PARD3B: variants seen among roughly 807,000 people sequenced by gnomAD.
PARD3B encodes partitioning defective 3 homolog B.
PARD3B carries 103 observed loss-of-function variants against 130.2 expected under a neutral mutation model. That is an observed-to-expected ratio of 0.79 (90% CI 0.67 to 0.93). PARD3B has a LOEUF of 0.93. Among genes scored for constraint, PARD3B ranks in the 40% least tolerant of loss-of-function variants. The pLI, the probability that PARD3B is intolerant of heterozygous loss-of-function variation, is 0.00. For synonymous variants in PARD3B, 583 were observed against 553.2 expected, an observed-to-expected ratio of 1.05 and a Z score of -0.76; for missense variants, 1,609 against 1,499.2, an observed-to-expected ratio of 1.07 and a Z score of -1.21.
chr2:204,750,765 C>T (rs370417560), intron 2 of PARD3B, among the ~76,000 whole-genome samples: 1 of 152,272 alleles, frequency 6.6e-6, no homozygotes, highest in East Asian at 1.9e-4. Context: ...TTCAAGTGCT[C>T]TGTAGCTGGA....
intron 20 of PARD3B, among the ~76,000 whole-genome samples, chr2:205,497,491 G>A (rs1340643806): frequency 8.2e-6 from 1 of 122,682 alleles, no homozygotes; most frequent in Non-Finnish European, 1.6e-5. Flanking sequence ...AAAAATAGAT[G>A]ACCTCTTTCT....
intron 18 of PARD3B, among the ~76,000 whole-genome samples, chr2:205,318,160 C>T (rs573742145): frequency 6.6e-6 from 1 of 152,270 alleles, no homozygotes; most frequent in Admixed American, 6.5e-5. Flanking sequence ...TCTTCTCCCC[C>T]AGGGACTGTA....
At chr2:205,238,916 GTATA>G (rs747790189) in intron 15 of PARD3B, among the ~76,000 whole-genome samples, 1 of 118,462 alleles carries the variant, frequency 8.4e-6, no homozygotes, top group Admixed American at 8.9e-5. Context: ...ATATGTATGT[GTATA>G]TATATATATG....
chr2:205,421,425 A>G lies in PARD3B; in HGVS notation c.2742-18945A>G, dbSNP rs1314809773. ...CCTCTCCTGTGTTCCACTGTATTCC[A>G]TTTTTAATCTCCTCAAGACACACAG... On this transcript the variant is annotated intron_variant, in intron 19 of 22. Coordinates refer to ENST00000406610, the MANE Select transcript of PARD3B (RefSeq NM_001302769.2). The surrounding 1 kb of genome is among the most constrained non-coding windows in gnomAD (Gnocchi z 5.1). Among the ~76,000 whole-genome samples, 1 of 152,236 alleles carries G rather than the reference A, an allele frequency of 6.6e-6. No homozygotes were observed. The highest frequency in any genetic ancestry group is 1.9e-4 in the East Asian group (1 of 5,178).
chr2:204,745,251 A>G (rs1350831511), intron 2 of PARD3B, among the ~76,000 whole-genome samples: 3 of 152,052 alleles, frequency 2.0e-5, no homozygotes, highest in Non-Finnish European at 4.4e-5. Flanking sequence ...AGGTCAAGGA[A>G]CTTGTGTTTT....
chr2:204,704,997 C>G lies in PARD3B; in HGVS notation c.222+18715C>G, dbSNP rs2038067666. 2.6e-5 allele frequency among the ~76,000 whole-genome samples: 4 copies of G among 151,934 alleles called. No homozygotes were observed. The South Asian group carries it at 8.3e-4, about 32-fold the overall frequency. On this transcript the variant is annotated intron_variant, in intron 2 of 22. Transcript: ENST00000406610. ...TGCCCAATTTTAATGTTTTTTGGAC[C>G]AGAGACACTTAAATAAAAGGTTAAG...
intron 19 of PARD3B, among the ~76,000 whole-genome samples, chr2:205,417,220 G>A (rs1436722570): frequency 2.6e-5 from 4 of 151,702 alleles, no homozygotes; most frequent in African/African-American, 9.7e-5. Flanking sequence ...CAGAATGATG[G>A]TTTCCAGCTT....
chr2:205,342,423 A>T (rs990017992), intron 18 of PARD3B, among the ~76,000 whole-genome samples: 5 of 152,192 alleles, frequency 3.3e-5, no homozygotes, highest in African/African-American at 4.8e-5. Flanking sequence ...ACCAACATGA[A>T]GTATGTTGAA....
chr2:205,054,488 C>T (rs1699508242), intron 4 of PARD3B, among the ~76,000 whole-genome samples: 2 of 120,966 alleles, frequency 1.7e-5, no homozygotes, highest in South Asian at 5.7e-4. Context: ...GGTATATGTG[C>T]ACAACGTGCA....
intron 1 of PARD3B, among the ~76,000 whole-genome samples, chr2:204,637,273 T>G (rs2034918454): frequency 6.6e-6 from 1 of 152,180 alleles, no homozygotes; most frequent in South Asian, 2.1e-4. Flanking sequence ...CTAATGTAAT[T>G]AATAATTAAT....
At chr2:204,777,864 A>G (rs532203117) in intron 2 of PARD3B, among the ~76,000 whole-genome samples, 2 of 152,144 alleles carry the variant, frequency 1.3e-5, no homozygotes, top group African/African-American at 2.4e-5. Context: ...CGAGAGAGGG[A>G]GGTGATTGGA....
chr2:205,238,894 A>ATGTATGTGTGTG (rs1559575195), intron 15 of PARD3B, among the ~76,000 whole-genome samples: 22 of 125,824 alleles, frequency 1.7e-4, no homozygotes, highest in Non-Finnish European at 2.7e-4. Context: ...GTGTATATAT[A>ATGTATGTGTGTG]TATATATATA....
chr2:205,366,841 G>C lies in PARD3B; in HGVS notation c.2631-34172G>C, dbSNP rs763059332. 2.0e-5 allele frequency among the ~76,000 whole-genome samples: 3 copies of C among 152,174 alleles called. No individual in the cohort carries two copies. The highest frequency in any genetic ancestry group is 4.4e-5 in the Non-Finnish European group (3 of 68,038). On this transcript the variant is annotated intron_variant, in intron 18 of 22. Transcript: ENST00000406610. The surrounding 1 kb of genome is among the most constrained non-coding windows in gnomAD (Gnocchi z 5.0). ...CTTCCCACTAATAACTGGTGATGCTGTACCGCCACAGGTGTCAGCAGCAAT... is the reference window on the plus strand; with the variant it reads ...CTTCCCACTAATAACTGGTGATGCTCTACCGCCACAGGTGTCAGCAGCAAT...
intron 1 of PARD3B, among the ~76,000 whole-genome samples, chr2:204,614,894 T>C (rs1288953122): frequency 6.6e-6 from 1 of 152,204 alleles, no homozygotes; most frequent in Non-Finnish European, 1.5e-5. Flanking sequence ...ATGAGCCAAT[T>C]AAAACTCTTT....
At chr2:205,126,117 A>G (rs919701249) in intron 10 of PARD3B, among the ~76,000 whole-genome samples, 1 of 152,244 alleles carries the variant, frequency 6.6e-6, no homozygotes, top group Non-Finnish European at 1.5e-5. Flanking sequence ...AAATAAAAAG[A>G]TAGCCAAGTA....
At chr2:205,043,940 A>G (rs890863578) in intron 3 of PARD3B, among the ~76,000 whole-genome samples, 10 of 148,426 alleles carry the variant, frequency 6.7e-5, no homozygotes, top group East Asian at 2.0e-4. Context: ...ATATCTCCCA[A>G]TGCTATCCCT....
At chr2:205,501,970 T>A (rs183753364) in intron 21 of PARD3B, among the ~76,000 whole-genome samples, 1 of 152,274 alleles carries the variant, frequency 6.6e-6, no homozygotes, top group African/African-American at 2.4e-5. Context: ...ACTGATTTTA[T>A]GTTTCCCAGA....
intron 7 of PARD3B, 73 bp downstream of exon 7, chr2:205,119,119 T>C (rs1331436007): frequency 6.8e-7 from 1 of 1,472,504 alleles, no homozygotes; most frequent in Admixed American, 2.5e-5. Context: ...GAACTCATTA[T>C]GATCAAAATA....
chr2:204,883,794 C>G (rs2046169426), intron 2 of PARD3B, among the ~76,000 whole-genome samples: 1 of 147,186 alleles, frequency 6.8e-6, no homozygotes, highest in South Asian at 2.2e-4. Context: ...GGCTGGAGTG[C>G]AGTGGTGCAA....
Sources: allele counts gnomAD v4.1 joint callset (sites outside exome capture counted in the v4.1 genomes callset), GRCh38; gene constraint gnomAD v4.1.1; non-coding constraint Gnocchi (gnomAD v3.1); transcripts MANE v1.5; gene names NCBI Gene and HGNC (gene_info 2026-07-23, HGNC 2026-07-21).